The following PLEKHG7 variants were observed in gnomAD, a reference collection of about 807,000 sequenced individuals.
PLEKHG7 encodes pleckstrin homology and RhoGEF domain containing G7, also known as pleckstrin homology domain-containing family G member 7.
Under a neutral mutation model 85.2 loss-of-function variants are expected in PLEKHG7, and 77 were observed. The ratio of observed to expected loss-of-function variants is 0.90; its 90% confidence interval spans 0.75 to 1.09. The LOEUF (loss-of-function observed/expected upper bound fraction) is 1.09, where lower values mean the gene tolerates loss of function less well. Among genes scored for constraint, PLEKHG7 ranks in the 50% least tolerant of loss-of-function variants. The pLI, the probability that PLEKHG7 is intolerant of heterozygous loss-of-function variation, is 0.00. For synonymous variants in PLEKHG7, 301 were observed against 302.4 expected, an observed-to-expected ratio of 1.00 and a Z score of 0.05; for missense variants, 777 against 804.3, an observed-to-expected ratio of 0.97 and a Z score of 0.41.
Position 92,761,837 on chromosome 12 carries a change from A to G in PLEKHG7, c.1716+6A>G. 1 of 1,569,096 alleles carries G rather than the reference A, an allele frequency of 6.4e-7. No individual in the cohort carries two copies. Among genetic ancestry groups the G allele is most frequent in the Non-Finnish European group, 8.6e-7 (1 of 1,164,932 alleles). On this transcript the variant is annotated splice_donor_region_variant and intron_variant, in intron 14 of 16. Transcript: ENST00000344636. Reference sequence around the variant, plus strand: ...AAACTAAGTGCAACAAAAAGGTAAAATGCTGCTATTTCAAAGTACGTTTCT... The same window carrying G: ...AAACTAAGTGCAACAAAAAGGTAAAGTGCTGCTATTTCAAAGTACGTTTCT...
chr12:92,725,899 G>C (rs1009545931), intron 3 of PLEKHG7, among the ~76,000 whole-genome samples: 1 of 152,124 alleles, frequency 6.6e-6, no homozygotes, highest in African/African-American at 2.4e-5. Flanking sequence ...AGTATCCAGG[G>C]AGCAGGGTGA....
chr12:92,763,301 C>T lies in PLEKHG7; in HGVS notation c.1717-740C>T, dbSNP rs1316356584. On this transcript the variant is annotated intron_variant, in intron 14 of 16. Coordinates refer to ENST00000344636, the MANE Select transcript of PLEKHG7 (RefSeq NM_001377329.1). ...TGTGTTCAAAACAATTTCAATTATT[C>T]ATAAATTCTAGAGCATGGAATCTAT... 2.0e-5 allele frequency among the ~76,000 whole-genome samples: 3 copies of T among 152,116 alleles called. No individual in the cohort carries two copies. In the East Asian group the frequency reaches 5.8e-4, roughly 29 times the overall value.
At chr12:92,723,973 T>G (rs1871722038) in intron 3 of PLEKHG7, among the ~76,000 whole-genome samples, 1 of 152,162 alleles carries the variant, frequency 6.6e-6, no homozygotes, top group South Asian at 2.1e-4. Context: ...TTCCCAAAAA[T>G]TCCCCTACAT....
At position 92,707,013 on chromosome 12, in the gene PLEKHG7, C is replaced by G. The variant is rs1871254016; in HGVS notation, c.382C>G (p.Pro128Ala). Residue 128 changes from proline to alanine, a missense_variant, in exon 2 of 17, where the codon CCC becomes GCC. Physicochemically the swap from Pro to Ala is conservative, Grantham distance 27 (BLOSUM62 -1). Around this residue, in one of 3 missense-constraint regions of PLEKHG7, gnomAD observed 252 missense variants for 241.9 expected, o/e 1.04. Coordinates refer to ENST00000344636, the MANE Select transcript of PLEKHG7 (RefSeq NM_001377329.1). ...AADSLEPQTRPTDKYLPPELQ... is the reference protein window; with the variant it reads ...AADSLEPQTRATDKYLPPELQ... Reference sequence around the variant, plus strand: ...TGACTCACTGGAGCCCCAAACCCGGCCCACTGACAAGTATCTCCCTCCTGA... The same window carrying G: ...TGACTCACTGGAGCCCCAAACCCGGGCCACTGACAAGTATCTCCCTCCTGA... 1 of 1,614,168 alleles carries G rather than the reference C, an allele frequency of 6.2e-7. No individual in the cohort carries two copies. Among genetic ancestry groups the G allele is most frequent in the Admixed American group, 1.7e-5 (1 of 60,026 alleles).
intron 3 of PLEKHG7, among the ~76,000 whole-genome samples, chr12:92,725,602 G>A (rs1307133306): frequency 2.0e-5 from 3 of 152,146 alleles, no homozygotes; most frequent in African/African-American, 4.8e-5. Context: ...CTTCTTGGAG[G>A]AAGCAGCCTT....
intron 3 of PLEKHG7, among the ~76,000 whole-genome samples, chr12:92,725,898 G>A (rs1459773736): frequency 1.3e-5 from 2 of 152,114 alleles, no homozygotes; most frequent in Admixed American, 6.5e-5. Context: ...GAGTATCCAG[G>A]GAGCAGGGTG....
At chr12:92,753,953 A>G (rs528088192) in intron 10 of PLEKHG7, 137 bp from the exon 11 acceptor site, 25 of 797,826 alleles carry the variant, frequency 3.1e-5, no homozygotes, top group Middle Eastern at 7.8e-4. Context: ...TTTGTGGCTT[A>G]TAAATTGTCC....
intron 5 of PLEKHG7, among the ~76,000 whole-genome samples, chr12:92,733,089 A>T (rs550342604): frequency 6.6e-6 from 1 of 152,188 alleles, no homozygotes; most frequent in South Asian, 2.1e-4. Flanking sequence ...TTCTATGGAC[A>T]CACACACCTT....
In PLEKHG7 at chr12:92,761,841, T is replaced by C; in HGVS notation, c.1716+10T>C. ...TAAGTGCAACAAAAAGGTAAAATGCTGCTATTTCAAAGTACGTTTCTAAAC... is the reference window on the plus strand; with the variant it reads ...TAAGTGCAACAAAAAGGTAAAATGCCGCTATTTCAAAGTACGTTTCTAAAC... On this transcript the variant is annotated intron_variant, in intron 14 of 16. Coordinates refer to ENST00000344636, the MANE Select transcript of PLEKHG7 (RefSeq NM_001377329.1). 6.4e-7 allele frequency: 1 copy of C among 1,564,744 alleles called. No homozygotes were observed. The highest frequency in any genetic ancestry group is 8.6e-7 in the Non-Finnish European group (1 of 1,163,204).
chr12:92,738,514 C>A (rs1238600715), intron 7 of PLEKHG7, among the ~76,000 whole-genome samples: 1 of 152,186 alleles, frequency 6.6e-6, no homozygotes, highest in African/African-American at 2.4e-5. Flanking sequence ...TGCAGAGGTG[C>A]AGACAGTAAA....
chr12:92,706,609 C>A lies in PLEKHG7; in HGVS notation c.-23C>A. 1 of 1,569,752 alleles carries A rather than the reference C, an allele frequency of 6.4e-7. No individual in the cohort carries two copies. Among genetic ancestry groups the A allele is most frequent in the Non-Finnish European group, 8.6e-7 (1 of 1,159,404 alleles). Reference sequence around the variant, plus strand: ...TCATACGTCTTCTGGAACCTTCTACCAACAGTAGAACCTCTTAGCTTTATG... The same window carrying A: ...TCATACGTCTTCTGGAACCTTCTACAAACAGTAGAACCTCTTAGCTTTATG... On this transcript the variant is annotated 5_prime_UTR_variant, in exon 2 of 17. Coordinates refer to ENST00000344636, the MANE Select transcript of PLEKHG7 (RefSeq NM_001377329.1).
chr12:92,743,944 C>A (rs555473154), intron 9 of PLEKHG7, among the ~76,000 whole-genome samples: 2 of 152,278 alleles, frequency 1.3e-5, no homozygotes, highest in South Asian at 4.1e-4. Context: ...CATGAGAAGA[C>A]CCTCTCTTTA....
intron 3 of PLEKHG7, among the ~76,000 whole-genome samples, chr12:92,724,302 C>T (rs150509959): frequency 1.1e-3 from 163 of 152,282 alleles, no homozygotes; most frequent in African/African-American, 3.8e-3. Context: ...TTTCTCAACT[C>T]CCACCTAATT....
intron 7 of PLEKHG7, among the ~76,000 whole-genome samples, 156 bp from the exon 8 acceptor site, chr12:92,740,697 A>C (rs1872327645): frequency 6.6e-6 from 1 of 152,192 alleles, no homozygotes; most frequent in African/African-American, 2.4e-5. Context: ...AAATGTGACC[A>C]TTTGTCTTGA....
intron 8 of PLEKHG7, 72 bp from the exon 9 acceptor site, chr12:92,741,419 G>A (rs1025477025): frequency 1.1e-6 from 1 of 934,802 alleles, no homozygotes; most frequent in Non-Finnish European, 1.6e-6. Context: ...AATGATACTT[G>A]AAGTTCAACA....
At chr12:92,708,856 C>G (rs1182687568) in intron 3 of PLEKHG7, among the ~76,000 whole-genome samples, 1 of 152,102 alleles carries the variant, frequency 6.6e-6, no homozygotes, top group African/African-American at 2.4e-5. Context: ...AGTGGGAGAG[C>G]ATTGAAATGT....
intron 16 of PLEKHG7, 64 bp from the exon 17 acceptor site, chr12:92,770,024 T>C (rs1873356973): frequency 1.2e-5 from 13 of 1,062,038 alleles, no homozygotes; most frequent in Non-Finnish European, 1.7e-5. Flanking sequence ...AGCCCAAATA[T>C]GTGAGAAATT....
At chr12:92,725,293 C>G (rs1208084301) in intron 3 of PLEKHG7, among the ~76,000 whole-genome samples, 1 of 152,060 alleles carries the variant, frequency 6.6e-6, no homozygotes, top group Non-Finnish European at 1.5e-5. Context: ...GAATATCAGG[C>G]AGGTAAATGG....
intron 10 of PLEKHG7, among the ~76,000 whole-genome samples, chr12:92,752,306 T>C (rs1180430448): frequency 6.6e-6 from 1 of 151,938 alleles, no homozygotes; most frequent in African/African-American, 2.4e-5. Context: ...ACAAAACATG[T>C]CATGAGGGGG....
Sources: gnomAD v4.1 joint callset for allele counts (sites outside exome capture counted in the v4.1 genomes callset) on GRCh38, gnomAD v4.1.1 for gene constraint, gnomAD v4.1.1 regional missense constraint, MANE v1.5 for transcripts, NCBI Gene and HGNC (gene_info 2026-07-23, HGNC 2026-07-21) for gene names.